The following ZDHHC14 variants were observed in gnomAD, a reference collection of about 807,000 sequenced individuals.
ZDHHC14 encodes zDHHC palmitoyltransferase 14, also known as palmitoyltransferase ZDHHC14.
ZDHHC14 carries 16 observed loss-of-function variants against 47.7 expected under a neutral mutation model. The observed-to-expected ratio is 0.34, with a 90% CI of 0.23 to 0.51. The LOEUF is 0.51. ZDHHC14 is among the 20% of genes least tolerant of loss of function. The pLI is 0.97. For synonymous variants in ZDHHC14, 293 were observed against 278.9 expected (o/e 1.05, Z -0.50); for missense variants, 515 against 662.5 (o/e 0.78, Z 2.44).
At chr6:157,542,986 G>T (rs1376646277) in intron 2 of ZDHHC14, among the ~76,000 whole-genome samples, 1 of 152,220 alleles carries the variant, frequency 6.6e-6, no homozygotes, top group Non-Finnish European at 1.5e-5. Flanking sequence ...AAGCATCAGT[G>T]TGAGCTGTGC....
chr6:157,382,804 A>G (rs1415548059), intron 1 of ZDHHC14, among the ~76,000 whole-genome samples: 1 of 152,196 alleles, frequency 6.6e-6, no homozygotes, highest in Non-Finnish European at 1.5e-5. Flanking sequence ...TCGGCTGCCT[A>G]GTGTGCCCTG....
intron 1 of ZDHHC14, among the ~76,000 whole-genome samples, chr6:157,418,661 C>A (rs150628018): frequency 2.0e-3 from 299 of 152,288 alleles, no homozygotes; most frequent in African/African-American, 6.9e-3. Context: ...GTGCCATTTT[C>A]CTACACAATG....
At chr6:157,431,732 A>ATTT (rs34330435) in intron 1 of ZDHHC14, among the ~76,000 whole-genome samples, 1 of 142,564 alleles carries the variant, frequency 7.0e-6, no homozygotes, top group Non-Finnish European at 1.5e-5. Context: ...TTTTAATATA[A>ATTT]TTTTTTTTTT....
chr6:157,478,595 G>T (rs1454288866), intron 1 of ZDHHC14, among the ~76,000 whole-genome samples: 1 of 152,182 alleles, frequency 6.6e-6, no homozygotes, highest in African/African-American at 2.4e-5. Context: ...GAGAGTCAAA[G>T]AATGGTACCT....
At chr6:157,637,171 G>A (rs1291456903) in intron 5 of ZDHHC14, among the ~76,000 whole-genome samples, 2 of 152,296 alleles carry the variant, frequency 1.3e-5, no homozygotes, top group Middle Eastern at 6.8e-3. Context: ...GGTATTTTTG[G>A]TGCCTGTCTT....
chr6:157,540,920 A>ATATATGTATGTGTGTATG (rs1781733397), intron 1 of ZDHHC14, among the ~76,000 whole-genome samples: 1 of 88,552 alleles, frequency 1.1e-5, no homozygotes, highest in African/African-American at 4.6e-5. Flanking sequence ...GTATATATAT[A>ATATATGTATGTGTGTATG]TATATATATA....
chr6:157,478,658 A>C (rs1480962083), intron 1 of ZDHHC14, among the ~76,000 whole-genome samples: 1 of 152,120 alleles, frequency 6.6e-6, no homozygotes, highest in Non-Finnish European at 1.5e-5. Flanking sequence ...GTTAGTTCAT[A>C]TTGTTGTCTA....
intron 2 of ZDHHC14, among the ~76,000 whole-genome samples, chr6:157,552,663 G>A (rs1419521084): frequency 2.0e-5 from 3 of 152,158 alleles, no homozygotes; most frequent in African/African-American, 4.8e-5. Context: ...CAGGTGCAAC[G>A]GCATGGAAAA....
At chr6:157,555,585 A>G (rs1355158864) in intron 2 of ZDHHC14, among the ~76,000 whole-genome samples, 4 of 152,228 alleles carry the variant, frequency 2.6e-5, no homozygotes, top group African/African-American at 4.8e-5. Flanking sequence ...CTTAGGTGCT[A>G]TAGAAGAATC....
rs548080462 is a variant in ZDHHC14 at position 157,586,647 on chromosome 6, C to T, written c.407-6341C>T. On this transcript the variant is annotated intron_variant, in intron 2 of 8. Transcript: ENST00000359775. This position sits in a 1 kb window ranked among gnomAD's most constrained non-coding sequence, Gnocchi z 4.6. The stretch of plus-strand genomic sequence containing the variant: ...AAGACTTGCTGTGCTCATCAGACAG[C>T]CCAGCAGAGCCCTCCCAGGACCCCA... Among the ~76,000 whole-genome samples, 1 of 152,260 alleles carries T rather than the reference C, an allele frequency of 6.6e-6. No homozygotes were observed. The highest frequency in any genetic ancestry group is 2.1e-4 in the South Asian group (1 of 4,818).
At chr6:157,559,353 G>T (rs551363738) in intron 2 of ZDHHC14, among the ~76,000 whole-genome samples, 1 of 152,172 alleles carries the variant, frequency 6.6e-6, no homozygotes, top group African/African-American at 2.4e-5. Context: ...CCTGGCTGAC[G>T]CGCTCTTCTC....
chr6:157,656,091 A>C (rs1387904798), intron 8 of ZDHHC14, among the ~76,000 whole-genome samples: 1 of 152,166 alleles, frequency 6.6e-6, no homozygotes, highest in African/African-American at 2.4e-5. Flanking sequence ...CATATGTGAA[A>C]TCAGATTCCC....
intron 6 of ZDHHC14, 80 bp downstream of exon 6, chr6:157,645,919 G>A: frequency 7.7e-7 from 1 of 1,294,706 alleles, no homozygotes; most frequent in Non-Finnish European, 1.1e-6. Context: ...AAAAGGTTGA[G>A]CCCAGCTTTT....
chr6:157,668,307 G>A (rs1213981462), intron 8 of ZDHHC14, among the ~76,000 whole-genome samples: 3 of 152,128 alleles, frequency 2.0e-5, no homozygotes, highest in African/African-American at 7.2e-5. Context: ...TGTAGAAGAG[G>A]TGCTTATCAT....
At chr6:157,634,912 T>C (rs756907083) in intron 5 of ZDHHC14, among the ~76,000 whole-genome samples, 5 of 151,962 alleles carry the variant, frequency 3.3e-5, no homozygotes, top group Non-Finnish European at 1.5e-5. Context: ...CGGCTTCTGC[T>C]CCGTACGTGT....
chr6:157,415,587 T>C (rs1022945385), intron 1 of ZDHHC14, among the ~76,000 whole-genome samples: 4 of 152,194 alleles, frequency 2.6e-5, no homozygotes, highest in African/African-American at 7.2e-5. Context: ...TAAAAGTTGG[T>C]GGCAAGGCCA....
rs552126789 is a variant in ZDHHC14 at position 157,677,004 on chromosome 6, G to T, written c.*3882G>T. The T allele has an allele frequency of 6.6e-6, 1 of 152,276 alleles. No individual in the cohort carries two copies. Among genetic ancestry groups the T allele is most frequent in the South Asian group, 2.1e-4 (1 of 4,824 alleles). The allele number at this position is 152,276 out of a possible 1,614,324, so 9.4% of individuals were successfully genotyped here. A position where few individuals can be genotyped will look rare whatever the true frequency, so the allele number is the denominator to read the frequency against. ...CTTGACCAGGTAAGAAAAGAATAAA[G>T]GAGAACAAATATTAAATACTCTTTT... On this transcript the variant is annotated 3_prime_UTR_variant, in exon 9 of 9. Transcript: ENST00000359775.
chr6:157,485,732 C>T (rs372320425), intron 1 of ZDHHC14, among the ~76,000 whole-genome samples: 68 of 151,538 alleles, frequency 4.5e-4, no homozygotes, highest in African/African-American at 1.5e-3. Context: ...CTTCTAAGGC[C>T]GGGTGCAGTG....
At chr6:157,651,763 G>T (rs1228631736) in intron 7 of ZDHHC14, among the ~76,000 whole-genome samples, 3 of 152,098 alleles carry the variant, frequency 2.0e-5, no homozygotes, top group African/African-American at 7.2e-5. Flanking sequence ...GTAGAGGTGG[G>T]GTTTCACCAT....
Sources: allele counts gnomAD v4.1 joint callset (sites outside exome capture counted in the v4.1 genomes callset), GRCh38; gene constraint gnomAD v4.1.1; non-coding constraint Gnocchi (gnomAD v3.1); transcripts MANE v1.5; gene names NCBI Gene and HGNC (gene_info 2026-07-23, HGNC 2026-07-21).